CD86: variants seen among roughly 807,000 people sequenced by gnomAD.
The protein encoded by CD86 is CD86 molecule.
Under a neutral mutation model 32.1 loss-of-function variants are expected in CD86, and 11 were observed. The observed-to-expected ratio is 0.34, with a 90% CI of 0.22 to 0.57. The LOEUF is 0.57. Ranked by LOEUF, CD86 falls within the 20% of genes least tolerant of loss-of-function variation. CD86 has a pLI of 0.86. For missense variants in CD86, 359 were observed against 398.4 expected (o/e 0.90, Z 0.84); for synonymous variants, 137 against 135.3 (o/e 1.01, Z -0.09).
chr3:122,106,925 G>C (rs2073101799), intron 4 of CD86, among the ~76,000 whole-genome samples: 1 of 151,034 alleles, frequency 6.6e-6, no homozygotes, highest in Non-Finnish European at 1.5e-5. Flanking sequence ...AGAACCATTT[G>C]GGACATTATT....
intron 1 of CD86, among the ~76,000 whole-genome samples, chr3:122,063,394 T>C (rs928519858): frequency 3.9e-5 from 6 of 152,256 alleles, no homozygotes; most frequent in African/African-American, 1.4e-4. Context: ...TTTATTACAT[T>C]ATTTAATGTA....
intron 5 of CD86, among the ~76,000 whole-genome samples, chr3:122,117,465 G>A (rs989919704): frequency 7.9e-5 from 12 of 152,278 alleles, no homozygotes; most frequent in South Asian, 4.1e-4. Flanking sequence ...TGGAGTTTAC[G>A]TGGGACAATA....
At chr3:122,081,008 G>A (rs942742950) in intron 1 of CD86, among the ~76,000 whole-genome samples, 6 of 152,130 alleles carry the variant, frequency 3.9e-5, no homozygotes, top group African/African-American at 9.7e-5. Flanking sequence ...GATACCAGCC[G>A]TCACCTCTTG....
chr3:122,091,141 C>A (rs1173734073), intron 1 of CD86, among the ~76,000 whole-genome samples: 1 of 152,130 alleles, frequency 6.6e-6, no homozygotes, highest in African/African-American at 2.4e-5. Flanking sequence ...TTATTTTTTG[C>A]CAATATCACA....
intron 1 of CD86, among the ~76,000 whole-genome samples, chr3:122,090,493 G>A (rs1404203875): frequency 6.6e-6 from 1 of 152,138 alleles, no homozygotes; most frequent in Admixed American, 6.5e-5. Flanking sequence ...CCAAATTTAT[G>A]TCCCCCTCAG....
chr3:122,083,551 C>T (rs933699836), intron 1 of CD86, among the ~76,000 whole-genome samples: 1 of 152,222 alleles, frequency 6.6e-6, no homozygotes, highest in Admixed American at 6.5e-5. Flanking sequence ...CCAAACTTAG[C>T]AGCTTAGAAC....
chr3:122,070,528 T>C (rs1482611158), intron 1 of CD86, among the ~76,000 whole-genome samples: 2 of 152,156 alleles, frequency 1.3e-5, no homozygotes, highest in Non-Finnish European at 2.9e-5. Flanking sequence ...TATGTAAAAT[T>C]TGCTTTTAAA....
At chr3:122,075,450 A>G (rs2072542848) in intron 1 of CD86, among the ~76,000 whole-genome samples, 1 of 152,242 alleles carries the variant, frequency 6.6e-6, no homozygotes, top group South Asian at 2.1e-4. Context: ...AGAGACAAGT[A>G]GCTGGTACTT....
intron 1 of CD86, among the ~76,000 whole-genome samples, chr3:122,082,329 A>G (rs2072645800): frequency 6.6e-6 from 1 of 151,196 alleles, no homozygotes; most frequent in South Asian, 2.1e-4. Context: ...CTCCCATGGA[A>G]GGGCCCTTAC....
chr3:122,055,922 A>C (rs1173394771), intron 1 of CD86, among the ~76,000 whole-genome samples: 1 of 152,166 alleles, frequency 6.6e-6, no homozygotes, highest in Non-Finnish European at 1.5e-5. Flanking sequence ...AAAAAGAAAG[A>C]GAAAAAAGAG....
At chr3:122,077,656 TGTCA>T in intron 1 of CD86, 1 of 454,758 alleles carries the variant, frequency 2.2e-6, no homozygotes, top group African/African-American at 2.1e-5. Context: ...TCTGGGAATC[TGTCA>T]GGGAAGGTGT....
At chr3:122,108,949 C>T (rs1341865493) in intron 4 of CD86, among the ~76,000 whole-genome samples, 1 of 152,198 alleles carries the variant, frequency 6.6e-6, no homozygotes, top group Non-Finnish European at 1.5e-5. Context: ...AGCCTCAGCA[C>T]AGACACCTCA....
rs760113027 is a variant in CD86 at position 122,119,507 on chromosome 3, A to G, written c.963A>G (p.Ser321=). The stretch of plus-strand genomic sequence containing the variant: ...TTTTTAAAAGTTCGAAGACATCTTC[A>G]TGCGACAAAAGTGATACATGTTTTT... ...QRVFKSSKTS[S]CDKSDTCF is the part of the protein sequence containing the mutation. Residue 321 remains serine, a synonymous_variant, in exon 7 of 7, where the codon TCA becomes TCG. Transcript: ENST00000330540. 3 of 1,606,322 alleles carry G rather than the reference A, an allele frequency of 1.9e-6. No individual in the cohort carries two copies. The highest frequency in any genetic ancestry group is 3.3e-5 in the Admixed American group (2 of 60,008).
chr3:122,103,411 T>G, intron 2 of CD86, 101 bp from the exon 3 acceptor site: 1 of 741,386 alleles, frequency 1.3e-6, no homozygotes. Context: ...TTCAGCATGA[T>G]TACTGATAAG....
intron 1 of CD86, among the ~76,000 whole-genome samples, chr3:122,075,875 A>T (rs2072548163): frequency 6.6e-6 from 1 of 152,198 alleles, no homozygotes; most frequent in African/African-American, 2.4e-5. Context: ...GTTTTTTAAG[A>T]GCCTACTATT....
chr3:122,055,367 T>C lies in CD86; in HGVS notation c.-123T>C. On this transcript the variant is annotated 5_prime_UTR_variant, in exon 1 of 7. Transcript: ENST00000330540. ...AGTTAGCTGGGTAGGTATACAGTCA[T>C]TGCCGAGGAAGGCTTGCACAGGGTG... The C allele has an allele frequency of 1.1e-6, 1 of 921,688 alleles. No individual in the cohort carries two copies. 57.1% of individuals were successfully genotyped at this position (921,688 alleles called of 1,614,324 possible).
In CD86 at chr3:122,106,098, GCC is replaced by G. The variant is rs2073087318; in HGVS notation, c.401-97_401-96del. 15 of 844,764 alleles carry G rather than the reference GCC, an allele frequency of 1.8e-5. No individual in the cohort carries two copies. The East Asian group carries it at 4.0e-4, about 23-fold the overall frequency. 52.3% of individuals were successfully genotyped at this position (844,764 alleles called of 1,614,324 possible). ...TAGACACCCTGAGGCTCCCAGGTGTGCCCCAATGAGCCCCAGATCAAGTACCC... is the reference window on the plus strand; with the variant it reads ...TAGACACCCTGAGGCTCCCAGGTGTGCCAATGAGCCCCAGATCAAGTACCC... On this transcript the variant is annotated intron_variant, in intron 3 of 6. Coordinates refer to ENST00000330540, the MANE Select transcript of CD86 (RefSeq NM_175862.5).
intron 1 of CD86, among the ~76,000 whole-genome samples, chr3:122,056,678 C>T (rs563132171): frequency 5.9e-5 from 9 of 152,300 alleles, no homozygotes; most frequent in Admixed American, 2.6e-4. Flanking sequence ...ATCGAAGTAA[C>T]TTTCATCTAC....
At chr3:122,092,614 C>G (rs1267206635) in intron 2 of CD86, among the ~76,000 whole-genome samples, 1 of 152,178 alleles carries the variant, frequency 6.6e-6, no homozygotes, top group Non-Finnish European at 1.5e-5. Flanking sequence ...TGGCTGCGGT[C>G]CCTGCCATGT....
Sources: gnomAD v4.1 joint callset for allele counts (sites outside exome capture counted in the v4.1 genomes callset) on GRCh38, gnomAD v4.1.1 for gene constraint, MANE v1.5 for transcripts, NCBI Gene and HGNC (gene_info 2026-07-23, HGNC 2026-07-21) for gene names.